Variants in TNFRSF19 observed in about 807,000 individuals in gnomAD.
TNFRSF19 encodes the protein tumor necrosis factor receptor superfamily member 19.
In TNFRSF19, 27 loss-of-function variants were observed where a neutral mutation model predicts 46.4. The ratio of observed to expected loss-of-function variants is 0.58; its 90% CI spans 0.43 to 0.80. The LOEUF is 0.80. TNFRSF19 is among the 30% of genes least tolerant of loss of function. The pLI is 0.00. For missense variants in TNFRSF19, 511 were observed against 530.8 expected (o/e 0.96, Z 0.37); for synonymous variants, 204 against 205.0 (o/e 1.00, Z 0.04).
At chr13:23,664,804 GC>G (rs1323322511) in intron 7 of TNFRSF19, among the ~76,000 whole-genome samples, 1 of 152,174 alleles carries the variant, frequency 6.6e-6, no homozygotes, top group African/African-American at 2.4e-5. Context: ...GTAGCCCATT[GC>G]CCTAGGCTAC....
At chr13:23,615,010 T>C (rs9510785) in intron 3 of TNFRSF19, among the ~76,000 whole-genome samples, 31,419 of 152,166 alleles carry the variant, frequency 0.21, 3,892 homozygotes, top group East Asian at 0.3. Context: ...CACCCATAAA[T>C]GTTGGTACTT....
chr13:23,667,180 A>G (rs370924759), intron 7 of TNFRSF19, among the ~76,000 whole-genome samples: 5 of 151,670 alleles, frequency 3.3e-5, no homozygotes, highest in African/African-American at 1.2e-4. Flanking sequence ...AGGCTGTTCA[A>G]AAAGCTGAGT....
chr13:23,644,331 C>G (rs929895816), intron 5 of TNFRSF19, among the ~76,000 whole-genome samples: 3 of 152,192 alleles, frequency 2.0e-5, no homozygotes, highest in Non-Finnish European at 2.9e-5. Context: ...ATAACTGAAT[C>G]ATGGGGGCAG....
chr13:23,574,093 A>G (rs1388306320), intron 1 of TNFRSF19, among the ~76,000 whole-genome samples: 2 of 150,634 alleles, frequency 1.3e-5, no homozygotes, highest in Admixed American at 6.6e-5. Flanking sequence ...CTATCTATCT[A>G]TATCTTGTGT....
intron 3 of TNFRSF19, among the ~76,000 whole-genome samples, chr13:23,599,747 G>GT (rs776220780): frequency 1.3e-5 from 2 of 152,160 alleles, no homozygotes; most frequent in Non-Finnish European, 2.9e-5. Flanking sequence ...AGAATAGATT[G>GT]TAAGTGTTTT....
chr13:23,582,224 CAAAAA>C lies in TNFRSF19; in HGVS notation c.-34-7903_-34-7899del, dbSNP rs746493689. 1.0e-4 allele frequency among the ~76,000 whole-genome samples: 10 copies of C among 98,064 alleles called. No individual in the cohort carries two copies. The East Asian group carries it at 1.9e-3, about 19-fold the overall frequency. 64.3% of individuals were successfully genotyped at this position (98,064 alleles called of 152,430 possible). A position where few individuals can be genotyped will look rare whatever the true frequency, so the allele number is the denominator to read the frequency against. On this transcript the variant is annotated intron_variant, in intron 1 of 9. Coordinates refer to ENST00000248484, the MANE Select transcript of TNFRSF19 (RefSeq NM_148957.4). ...TGAAACCCCGTCCCTACTACAAATA[CAAAAA>C]AAAAAAAAAAAAAAAAAAAAAATTA... is the stretch of plus-strand genomic sequence containing the variant.
chr13:23,573,366 G>A (rs1877818809), intron 1 of TNFRSF19, among the ~76,000 whole-genome samples: 1 of 152,040 alleles, frequency 6.6e-6, no homozygotes, highest in Non-Finnish European at 1.5e-5. Flanking sequence ...CTTCTAAGCT[G>A]TCTAAACACA....
intron 3 of TNFRSF19, among the ~76,000 whole-genome samples, chr13:23,598,613 T>C (rs952015499): frequency 6.6e-6 from 1 of 152,180 alleles, no homozygotes; most frequent in Non-Finnish European, 1.5e-5. Flanking sequence ...TGTATGTTAC[T>C]CCCAGGAGCA....
chr13:23,571,007 T>A (rs1438774157), intron 1 of TNFRSF19, among the ~76,000 whole-genome samples, 159 bp downstream of exon 1: 5 of 152,236 alleles, frequency 3.3e-5, no homozygotes, highest in Non-Finnish European at 1.5e-5. Flanking sequence ...GCTGAATGTG[T>A]GTATCAGAGT....
At chr13:23,644,417 C>T (rs752532372) in intron 5 of TNFRSF19, among the ~76,000 whole-genome samples, 2 of 152,142 alleles carry the variant, frequency 1.3e-5, no homozygotes, top group Non-Finnish European at 2.9e-5. Flanking sequence ...GGCTTTCCCC[C>T]CTTTGCTTGG....
In TNFRSF19 at chr13:23,659,800, G is replaced by C. The variant is rs973641139; in HGVS notation, c.611-565G>C. Among the ~76,000 whole-genome samples, 4 of 152,084 alleles carry C rather than the reference G, an allele frequency of 2.6e-5. No individual in the cohort carries two copies. The highest frequency in any genetic ancestry group is 5.9e-5 in the Non-Finnish European group (4 of 68,002). Reference sequence around the variant, plus strand: ...GATGACAGATGTGAGCCACTGCACCGGCCTATTATATGTATTATGCCCTGT... The same window carrying C: ...GATGACAGATGTGAGCCACTGCACCCGCCTATTATATGTATTATGCCCTGT... On this transcript the variant is annotated intron_variant, in intron 6 of 9. Transcript: ENST00000248484. This position sits in a 1 kb window ranked among gnomAD's most constrained non-coding sequence, Gnocchi z 4.9.
At chr13:23,594,172 C>A in intron 3 of TNFRSF19, 1 of 439,014 alleles carries the variant, frequency 2.3e-6, no homozygotes, top group South Asian at 1.6e-5. Flanking sequence ...CAAAACTGGG[C>A]AGCTGTTTGG....
chr13:23,609,618 C>G (rs1463965624), intron 3 of TNFRSF19, among the ~76,000 whole-genome samples: 3 of 152,146 alleles, frequency 2.0e-5, no homozygotes, highest in African/African-American at 7.2e-5. Flanking sequence ...TCAAAGTAAA[C>G]TTTTCTAACC....
Position 23,570,777 on chromosome 13 carries a change from G to C in TNFRSF19, c.-106G>C, listed in dbSNP as rs1340301260. 1.3e-5 allele frequency: 2 copies of C among 152,162 alleles called. No homozygotes were observed. Among genetic ancestry groups the C allele is most frequent in the African/African-American group, 4.8e-5 (2 of 41,430 alleles). The allele number at this position is 152,162 out of a possible 1,614,324, so 9.4% of individuals were successfully genotyped here. A position where few individuals can be genotyped will look rare whatever the true frequency, so the allele number is the denominator to read the frequency against. The stretch of plus-strand genomic sequence containing the variant: ...TTGAAGTTTCGTCTGGGCTTGTGCT[G>C]ACATACATTTTTGGGAAGGTAGAAG... On this transcript the variant is annotated 5_prime_UTR_variant, in exon 1 of 10. It removes the in-frame stop codon of an upstream open reading frame in the 5' UTR. Coordinates refer to ENST00000248484, the MANE Select transcript of TNFRSF19 (RefSeq NM_148957.4).
intron 1 of TNFRSF19, among the ~76,000 whole-genome samples, chr13:23,582,271 G>C (rs1593228958): frequency 6.6e-6 from 1 of 151,364 alleles, no homozygotes; most frequent in East Asian, 1.9e-4. Flanking sequence ...CGTGGTGGCG[G>C]GCGCCTGTAG....
intron 1 of TNFRSF19, among the ~76,000 whole-genome samples, chr13:23,573,114 A>C (rs970552152): frequency 6.6e-6 from 1 of 152,226 alleles, no homozygotes; most frequent in Admixed American, 6.5e-5. Flanking sequence ...CTATCTTAAC[A>C]AGGTCACATG....
intron 1 of TNFRSF19, among the ~76,000 whole-genome samples, chr13:23,573,819 T>C (rs1877780030): frequency 6.6e-6 from 1 of 152,068 alleles, no homozygotes; most frequent in Non-Finnish European, 1.5e-5. Context: ...TCCCAGCACT[T>C]TGGGAGGCCG....
intron 5 of TNFRSF19, among the ~76,000 whole-genome samples, chr13:23,629,095 T>TTA (rs1555274949): frequency 9.9e-5 from 15 of 152,136 alleles, no homozygotes; most frequent in African/African-American, 3.6e-4. Flanking sequence ...GCTTTTTTTT[T>TTA]TTTTTAGCTC....
At chr13:23,580,112 C>T (rs1337153749) in intron 1 of TNFRSF19, among the ~76,000 whole-genome samples, 1 of 152,196 alleles carries the variant, frequency 6.6e-6, no homozygotes, top group Non-Finnish European at 1.5e-5. Context: ...AAAGCCAGCT[C>T]TTACAATGCG....
Sources: allele counts gnomAD v4.1 joint callset (sites outside exome capture counted in the v4.1 genomes callset), GRCh38; gene constraint gnomAD v4.1.1; non-coding constraint Gnocchi (gnomAD v3.1); transcripts MANE v1.5; gene names NCBI Gene and HGNC (gene_info 2026-07-23, HGNC 2026-07-21).